Variants in SKAP1 observed in about 807,000 individuals in gnomAD.
SKAP1 encodes the protein src kinase-associated phosphoprotein 1.
Under a neutral mutation model 58.5 loss-of-function variants are expected in SKAP1, and 44 were observed. That is an observed-to-expected ratio of 0.75 (90% CI 0.59 to 0.97). The LOEUF is 0.97. Ranked by LOEUF, SKAP1 falls within the 50% of genes least tolerant of loss-of-function variation. The pLI, the probability that SKAP1 is intolerant of heterozygous loss-of-function variation, is 0.00. For synonymous variants in SKAP1, 127 were observed against 149.7 expected (o/e 0.85, Z 1.11); for missense variants, 390 against 435.2 (o/e 0.90, Z 0.92).
chr17:48,133,624 A>G lies in SKAP1; in HGVS notation c.*200T>C, dbSNP rs1216984573. On this transcript the variant is annotated 3_prime_UTR_variant, in exon 13 of 13. Transcript: ENST00000336915. Reference sequence around the variant, plus strand: ...TGAGCTATGACTAGGCTGGTTTAGTAACAGGTTTGATGAACGTGCCTCTTC... The same window carrying G: ...TGAGCTATGACTAGGCTGGTTTAGTGACAGGTTTGATGAACGTGCCTCTTC... 1 of 152,304 alleles carries G rather than the reference A, an allele frequency of 6.6e-6. No individual in the cohort carries two copies. The highest frequency in any genetic ancestry group is 1.5e-5 in the Non-Finnish European group (1 of 68,044). The allele number at this position is 152,304 out of a possible 1,614,324, so 9.4% of individuals were successfully genotyped here. A position where few individuals can be genotyped will look rare whatever the true frequency, so the allele number is the denominator to read the frequency against.
At chr17:48,360,942 A>G (rs903667657) in intron 3 of SKAP1, among the ~76,000 whole-genome samples, 96 of 152,244 alleles carry the variant, frequency 6.3e-4, no homozygotes, top group African/African-American at 2.1e-3. Flanking sequence ...AGACAGTGAA[A>G]AACAGTCACG....
intron 3 of SKAP1, among the ~76,000 whole-genome samples, chr17:48,352,676 A>C (rs2066817228): frequency 6.6e-6 from 1 of 152,182 alleles, no homozygotes; most frequent in Non-Finnish European, 1.5e-5. Context: ...CTGGGTCAAG[A>C]CTTTTTGTGG....
chr17:48,338,615 T>C (rs1029399674), intron 4 of SKAP1, among the ~76,000 whole-genome samples: 17 of 152,158 alleles, frequency 1.1e-4, no homozygotes, highest in African/African-American at 4.1e-4. Context: ...AGAAGCATTA[T>C]GGAAGATGTC....
chr17:48,369,945 T>A (rs7216971), intron 2 of SKAP1, among the ~76,000 whole-genome samples: 46,291 of 152,064 alleles, frequency 0.3, 7,277 homozygotes, highest in Admixed American at 0.38. Flanking sequence ...TCTAAAATAA[T>A]TCAGTGACTC....
chr17:48,178,607 G>T (rs1158852950), intron 9 of SKAP1, among the ~76,000 whole-genome samples: 1 of 152,142 alleles, frequency 6.6e-6, no homozygotes, highest in African/African-American at 2.4e-5. Flanking sequence ...ATCACTGCTC[G>T]TTGCTTTCTA....
chr17:48,331,157 T>C (rs1033429530), intron 4 of SKAP1, among the ~76,000 whole-genome samples: 3 of 152,170 alleles, frequency 2.0e-5, no homozygotes, highest in African/African-American at 7.2e-5. Flanking sequence ...GAGAAAGCAT[T>C]ATCTAGGTGA....
At chr17:48,193,223 A>T (rs1318820676) in intron 4 of SKAP1, among the ~76,000 whole-genome samples, 1 of 152,026 alleles carries the variant, frequency 6.6e-6, no homozygotes, top group African/African-American at 2.4e-5. Context: ...TTGTATTTTT[A>T]GTAGAGACGG....
intron 1 of SKAP1, among the ~76,000 whole-genome samples, chr17:48,419,396 T>C (rs1040856427): frequency 1.3e-5 from 2 of 152,060 alleles, no homozygotes; most frequent in African/African-American, 2.4e-5. Flanking sequence ...GCAATTATCA[T>C]GCCTCAGCCT....
chr17:48,424,370 C>A (rs2067831536), intron 1 of SKAP1, among the ~76,000 whole-genome samples: 1 of 151,640 alleles, frequency 6.6e-6, no homozygotes, highest in African/African-American at 2.4e-5. Context: ...GGACTACAGG[C>A]GCCCGCCACC....
In SKAP1 at chr17:48,381,807, T is replaced by C. The variant is rs73325801; in HGVS notation, c.152+14873A>G. Among the ~76,000 whole-genome samples the C allele has an allele frequency of 1.6e-3, 250 of 152,294 alleles. 1 individual carries two copies. The highest frequency in any genetic ancestry group is 5.2e-3 in the African/African-American group (216 of 41,564). On this transcript the variant is annotated intron_variant, in intron 2 of 12. Coordinates refer to ENST00000336915, the MANE Select transcript of SKAP1 (RefSeq NM_003726.4). ...TGATTTGGTTTATTCTGCTCAAAAA[T>C]AAGTTACAGAAGGACTGGGACCTAT...
At chr17:48,276,648 A>G (rs2065705092) in intron 4 of SKAP1, among the ~76,000 whole-genome samples, 1 of 152,202 alleles carries the variant, frequency 6.6e-6, no homozygotes, top group Non-Finnish European at 1.5e-5. Flanking sequence ...ATTTCAAATG[A>G]AACAGTCTAT....
At chr17:48,417,064 C>T (rs1353207966) in intron 1 of SKAP1, among the ~76,000 whole-genome samples, 2 of 152,188 alleles carry the variant, frequency 1.3e-5, no homozygotes, top group Non-Finnish European at 2.9e-5. Flanking sequence ...AAGGCATATA[C>T]TTTTTACCTT....
chr17:48,433,888 G>A (rs554876235), upstream of SKAP1, among the ~76,000 whole-genome samples: 31 of 152,288 alleles, frequency 2.0e-4, no homozygotes, highest in East Asian at 6.0e-3. Context: ...AGGCATCTAT[G>A]GGATGTCCAG....
intron 2 of SKAP1, among the ~76,000 whole-genome samples, chr17:48,381,546 A>ATGTG (rs1261905810): frequency 2.6e-5 from 4 of 152,236 alleles, no homozygotes; most frequent in Non-Finnish European, 5.9e-5. Flanking sequence ...AGTATTATGT[A>ATGTG]TGTGCAGTGT....
chr17:48,206,833 T>A (rs961340100), intron 4 of SKAP1, among the ~76,000 whole-genome samples: 1 of 152,048 alleles, frequency 6.6e-6, no homozygotes, highest in African/African-American at 2.4e-5. Flanking sequence ...TTAAAAAAAA[T>A]TTTTTTGGAA....
At chr17:48,306,937 A>T (rs769369201) in intron 4 of SKAP1, among the ~76,000 whole-genome samples, 1 of 152,216 alleles carries the variant, frequency 6.6e-6, no homozygotes, top group African/African-American at 2.4e-5. Flanking sequence ...ATTAGATCTG[A>T]TAGGGATTTT....
intron 6 of SKAP1, 90 bp downstream of exon 6, chr17:48,187,753 G>T: frequency 1.2e-6 from 1 of 842,012 alleles, no homozygotes; most frequent in Non-Finnish European, 2.0e-6. Flanking sequence ...GTTAGTTAAG[G>T]ACTGCTATCT....
chr17:48,146,488 AT>A (rs1258178760), intron 11 of SKAP1, among the ~76,000 whole-genome samples: 20 of 96,698 alleles, frequency 2.1e-4, no homozygotes, highest in African/African-American at 4.2e-4. Context: ...GCGAGACTCC[AT>A]TTAAAAAAAA....
chr17:48,322,805 T>C (rs2066385739), intron 4 of SKAP1, among the ~76,000 whole-genome samples: 1 of 152,086 alleles, frequency 6.6e-6, no homozygotes, highest in African/African-American at 2.4e-5. Flanking sequence ...GTAAGAAATA[T>C]GGTAGAATGG....
Sources: allele counts gnomAD v4.1 joint callset (sites outside exome capture counted in the v4.1 genomes callset), GRCh38; gene constraint gnomAD v4.1.1; transcripts MANE v1.5; gene names NCBI Gene and HGNC (gene_info 2026-07-23, HGNC 2026-07-21).